Variants in IFI16 observed in about 807,000 individuals in gnomAD.
IFI16 encodes interferon gamma inducible protein 16.
A neutral mutation model predicts 68.4 loss-of-function variants in IFI16; 49 were observed. The observed-to-expected ratio is 0.72, with a 90% CI of 0.57 to 0.91. The LOEUF is 0.91. Among genes scored for constraint, IFI16 ranks in the 40% least tolerant of loss-of-function variants. The pLI, the probability that IFI16 is intolerant of heterozygous loss-of-function variation, is 0.00. For missense variants in IFI16, 878 were observed against 942.9 expected (o/e 0.93, Z 0.90); for synonymous variants, 307 against 315.0 (o/e 0.97, Z 0.27).
chr1:159,044,736 A>G (rs1654875017), intron 7 of IFI16, among the ~76,000 whole-genome samples: 2 of 152,174 alleles, frequency 1.3e-5, no homozygotes, highest in South Asian at 4.1e-4. Flanking sequence ...GAATACAGCT[A>G]AAAACTCTGA....
Position 159,051,777 on chromosome 1 carries a change from A to C in IFI16, c.1764A>C (p.Ser588=). ...TGATGGTGCTGAACGCAACAGAATC[A>C]TTTGTATATGAGCCCAAAGAGCAGA... The part of the protein sequence containing the change: ...KEVMVLNATE[S]FVYEPKEQKK... The change falls in exon 10 of 12, where the codon TCA becomes TCC. Residue 588 remains serine, a synonymous_variant. Coordinates refer to ENST00000295809, the MANE Select transcript of IFI16 (RefSeq NM_001376587.1). 6.2e-7 allele frequency: 1 copy of C among 1,614,136 alleles called. No homozygotes were observed. Among genetic ancestry groups the C allele is most frequent in the Non-Finnish European group, 8.5e-7 (1 of 1,179,948 alleles).
chr1:159,051,727 A>G lies in IFI16; in HGVS notation c.1714A>G (p.Ser572Gly). 6.2e-7 allele frequency: 1 copy of G among 1,613,954 alleles called. No individual in the cohort carries two copies. Among genetic ancestry groups the G allele is most frequent in the Non-Finnish European group, 8.5e-7 (1 of 1,179,832 alleles). Residue 572 changes from serine to glycine, a missense_variant, in exon 10 of 12, where the codon AGT (serine) becomes GGT (glycine). By Grantham distance (56) the Ser-to-Gly change is moderately conservative. Coordinates refer to ENST00000295809, the MANE Select transcript of IFI16 (RefSeq NM_001376587.1). ...ACCTGAAGAAGTTTCCATAGAAGAC[A>G]GTGCCCAGAGTGACCTCAAAGAAGT... Reference protein sequence around the residue: ...TEPEEVSIEDSAQSDLKEVMV... With the variant: ...TEPEEVSIEDGAQSDLKEVMV...
chr1:159,027,173 G>A (rs1313369956), intron 6 of IFI16, among the ~76,000 whole-genome samples: 1 of 152,114 alleles, frequency 6.6e-6, no homozygotes, highest in Non-Finnish European at 1.5e-5. Context: ...TGTCATAGAC[G>A]GCTTTTATTA....
chr1:159,030,358 T>G (rs1414482100), intron 6 of IFI16, among the ~76,000 whole-genome samples: 1 of 152,196 alleles, frequency 6.6e-6, no homozygotes, highest in Non-Finnish European at 1.5e-5. Flanking sequence ...CTTTTGGGGC[T>G]GTTAAAGAAC....
upstream of IFI16, among the ~76,000 whole-genome samples, chr1:159,001,336 T>G (rs1652049722): frequency 6.6e-6 from 1 of 152,226 alleles, no homozygotes; most frequent in Non-Finnish European, 1.5e-5. Flanking sequence ...GTTTATGAGC[T>G]GAAGATAACC....
intron 5 of IFI16, among the ~76,000 whole-genome samples, chr1:159,019,848 G>A (rs1653188908): frequency 6.6e-6 from 1 of 152,220 alleles, no homozygotes; most frequent in Non-Finnish European, 1.5e-5. Flanking sequence ...TGAGCTCAAG[G>A]ACTTGGTTTC....
chr1:159,034,787 A>G (rs904086296), intron 7 of IFI16, among the ~76,000 whole-genome samples: 5 of 152,266 alleles, frequency 3.3e-5, no homozygotes, highest in Admixed American at 6.5e-5. Context: ...CATTTAAACA[A>G]TTGGGGTGTG....
chr1:159,006,285 G>A (rs1652255645), upstream of IFI16, among the ~76,000 whole-genome samples: 2 of 152,206 alleles, frequency 1.3e-5, no homozygotes, highest in South Asian at 4.1e-4. Context: ...TTAGGAAGGG[G>A]AGGGGGACTC....
At chr1:159,003,736 C>T (rs1340029929), upstream of IFI16, among the ~76,000 whole-genome samples, 5 of 152,180 alleles carry the variant, frequency 3.3e-5, no homozygotes, top group African/African-American at 9.7e-5. Context: ...GCTCGGCTCG[C>T]TGCAAGCTCC....
intron 1 of IFI16, 63 bp from the exon 2 acceptor site, chr1:159,014,598 G>C (rs1322792559): frequency 5.5e-6 from 6 of 1,089,702 alleles, no homozygotes; most frequent in Non-Finnish European, 7.9e-6. Context: ...ACTCACATAG[G>C]CATACATCTT....
chr1:159,003,241 T>A (rs140094143), upstream of IFI16, among the ~76,000 whole-genome samples: 1 of 152,222 alleles, frequency 6.6e-6, no homozygotes, highest in Admixed American at 6.5e-5. Context: ...ACTTTCAGAC[T>A]AAGCTGATAG....
intron 4 of IFI16, 141 bp from the exon 5 acceptor site, chr1:159,018,088 C>G (rs72704976): frequency 0.052 from 33,938 of 653,524 alleles, 1,078 homozygotes; most frequent in Non-Finnish European, 0.063. Context: ...TGCCCTGGCT[C>G]GCAATCCCTC....
upstream of IFI16, among the ~76,000 whole-genome samples, chr1:159,007,958 A>G (rs879146780): frequency 6.6e-6 from 1 of 152,226 alleles, no homozygotes; most frequent in Non-Finnish European, 1.5e-5. Flanking sequence ...CCAGTGTGCA[A>G]TAGGTCTTTT....
upstream of IFI16, chr1:159,009,272 C>T (rs567255982): frequency 1.3e-4 from 20 of 152,302 alleles, no homozygotes; most frequent in African/African-American, 4.8e-4. Flanking sequence ...TGTTAAACTC[C>T]TTCATATAAA....
Position 159,051,764 on chromosome 1 carries a change from A to C in IFI16, c.1751A>C (p.Asn584Thr). The change falls in exon 10 of 12, where the codon AAC becomes ACC. Residue 584 changes from asparagine to threonine, a missense_variant. Transcript: ENST00000295809. The stretch of plus-strand genomic sequence containing the variant: ...GACCTCAAAGAAGTGATGGTGCTGA[A>C]CGCAACAGAATCATTTGTATATGAG... ...QSDLKEVMVL[N>T]ATESFVYEPK... The C allele has an allele frequency of 6.2e-7, 1 of 1,614,062 alleles. No homozygotes were observed. The highest frequency in any genetic ancestry group is 8.5e-7 in the Non-Finnish European group (1 of 1,179,892).
At chr1:159,005,772 G>A (rs545504614), upstream of IFI16, among the ~76,000 whole-genome samples, 5 of 152,322 alleles carry the variant, frequency 3.3e-5, no homozygotes, top group Non-Finnish European at 7.3e-5. Flanking sequence ...CTGGCACCAA[G>A]ATGACTGCTG....
chr1:159,023,462 A>G (rs911924006), intron 6 of IFI16, among the ~76,000 whole-genome samples: 2 of 152,210 alleles, frequency 1.3e-5, no homozygotes, highest in Non-Finnish European at 1.5e-5. Context: ...AAAAAAATTT[A>G]TAGTTACTTA....
At chr1:159,021,517 C>T (rs990407477) in intron 6 of IFI16, among the ~76,000 whole-genome samples, 2 of 152,160 alleles carry the variant, frequency 1.3e-5, no homozygotes, top group African/African-American at 2.4e-5. Context: ...GGCATCTGGG[C>T]TGGTTCCATA....
intron 6 of IFI16, among the ~76,000 whole-genome samples, chr1:159,022,197 C>G (rs1431578404): frequency 1.3e-5 from 2 of 152,018 alleles, no homozygotes; most frequent in Non-Finnish European, 2.9e-5. Flanking sequence ...ATTTCCTGAC[C>G]TCGTGATCCG....
Sources: gnomAD v4.1 joint callset for allele counts (sites outside exome capture counted in the v4.1 genomes callset) on GRCh38, gnomAD v4.1.1 for gene constraint, MANE v1.5 for transcripts, NCBI Gene and HGNC (gene_info 2026-07-23, HGNC 2026-07-21) for gene names.